N4BP2: variants seen among roughly 807,000 people sequenced by gnomAD.
N4BP2 encodes NEDD4 binding protein 2.
N4BP2 carries 91 observed loss-of-function variants against 152.8 expected under a neutral mutation model. That is an observed-to-expected ratio of 0.60 (90% CI 0.50 to 0.71). The LOEUF is 0.71. Among genes scored for constraint, N4BP2 ranks in the 30% least tolerant of loss-of-function variants. The probability of loss-of-function intolerance (pLI) is 0.00; values close to 1 mark genes in which losing one functional copy is unlikely to be tolerated. For missense variants in N4BP2, 1,923 were observed against 2,059.1 expected (o/e 0.93, Z 1.28); for synonymous variants, 646 against 705.3 (o/e 0.92, Z 1.33).
chr4:40,116,630 G>T (rs1006668207), intron 7 of N4BP2, among the ~76,000 whole-genome samples: 8 of 151,984 alleles, frequency 5.3e-5, no homozygotes, highest in African/African-American at 1.9e-4. Context: ...GAATATACAG[G>T]TAGTGTTTAT....
At chr4:40,123,993 C>T (rs1718167943) in intron 10 of N4BP2, among the ~76,000 whole-genome samples, 167 bp from the exon 11 acceptor site, 2 of 151,772 alleles carry the variant, frequency 1.3e-5, no homozygotes, top group Admixed American at 6.6e-5. Flanking sequence ...TGTAGTCATA[C>T]TTCATAATTT....
At chr4:40,167,518 A>C in the N4BP2 span, 1 of 152,304 alleles carries the variant, frequency 6.6e-6, no homozygotes, top group African/African-American at 2.4e-5. Flanking sequence ...GTTAAGAGAA[A>C]AGGAAAGTAA....
rs528051650 is a variant in N4BP2, at chr4:40,120,885, C to T, written c.2774C>T (p.Thr925Ile). ...AAAATGAATGAAATATCCTTATCTA[C>T]AGCACATGAGGCCTGTTGGGGCACA... ...NDKMNEISLS[T>I]AHEACWGTSS... Residue 925 changes from threonine to isoleucine, a missense_variant, in exon 9 of 18, where the codon ACA becomes ATA. Transcript: ENST00000261435. 2.5e-6 allele frequency: 4 copies of T among 1,614,072 alleles called. No individual in the cohort carries two copies. Among genetic ancestry groups the T allele is most frequent in the Middle Eastern group, 1.7e-4 (1 of 6,058 alleles).
At chr4:40,092,008 T>TTTTATA (rs1553920274) in intron 2 of N4BP2, among the ~76,000 whole-genome samples, 1 of 27,202 alleles carries the variant, frequency 3.7e-5, no homozygotes, top group Non-Finnish European at 5.9e-5. Context: ...AAAAAAAAAA[T>TTTTATA]TATATATATA....
At chr4:40,078,139 G>GTGTGTGTT (rs1712959469) in intron 2 of N4BP2, among the ~76,000 whole-genome samples, 1 of 151,904 alleles carries the variant, frequency 6.6e-6, no homozygotes, top group Admixed American at 6.6e-5. Context: ...GTGTGTGTGT[G>GTGTGTGTT]TGTGTGTGTA....
chr4:40,079,488 T>C (rs1047370043), intron 2 of N4BP2, among the ~76,000 whole-genome samples: 69 of 151,466 alleles, frequency 4.6e-4, no homozygotes, highest in Non-Finnish European at 8.8e-4. Context: ...TTTTTTTCAG[T>C]GTAGGAAAAC....
chr4:40,118,099 G>C, intron 8 of N4BP2, 75 bp downstream of exon 8: 1 of 1,232,870 alleles, frequency 8.1e-7, no homozygotes, highest in Non-Finnish European at 1.1e-6. Flanking sequence ...GGAGCTTGTG[G>C]AATCATTGCT....
rs151284530 is a variant in N4BP2 at position 40,121,664 on chromosome 4, A to G, written c.3553A>G (p.Ile1185Val). ...PVPEFSHGIG[I>V]SNADSQSTCD... ...GCCAGAGTTTAGCCATGGGATTGGT[A>G]TTAGTAACGCTGACTCACAGTCTAC... Residue 1185 changes from isoleucine to valine, a missense_variant, in exon 9 of 18, where the codon ATT becomes GTT. Physicochemically the swap from Ile to Val is conservative, Grantham distance 29. Transcript: ENST00000261435. 1.8e-5 allele frequency: 29 copies of G among 1,614,166 alleles called. No individual in the cohort carries two copies. The African/African-American group carries it at 3.3e-4, about 19-fold the overall frequency.
intron 14 of N4BP2, among the ~76,000 whole-genome samples, chr4:40,139,828 C>CTTTTTTTTTT (rs1209677713): frequency 1.0e-5 from 1 of 97,842 alleles, no homozygotes; most frequent in Non-Finnish European, 2.1e-5. Flanking sequence ...ATTTTTTTTT[C>CTTTTTTTTTT]TTTTTTTTTT....
chr4:40,166,828 TC>T, the N4BP2 span: 11 of 152,362 alleles, frequency 7.2e-5, no homozygotes, highest in South Asian at 1.4e-3. Context: ...ATTAATCACA[TC>T]GGGGTAAATG....
At chr4:40,098,681 C>T (rs1455103555) in intron 3 of N4BP2, among the ~76,000 whole-genome samples, 1 of 152,108 alleles carries the variant, frequency 6.6e-6, no homozygotes, top group Non-Finnish European at 1.5e-5. Context: ...TCAGAAATGA[C>T]AGTATATTGA....
chr4:40,119,617 A>C (rs114844057), intron 8 of N4BP2, among the ~76,000 whole-genome samples: 3,800 of 152,260 alleles, frequency 0.025, 196 homozygotes, highest in Admixed American at 0.13. Flanking sequence ...TCCTGGGAAC[A>C]AATTCAGAGC....
chr4:40,182,081 G>A, the N4BP2 span, among the ~76,000 whole-genome samples: 2 of 152,198 alleles, frequency 1.3e-5, no homozygotes, highest in African/African-American at 4.8e-5. Context: ...AGAAGATTGG[G>A]AAAAATAACC....
At chr4:40,184,326 AT>A in the N4BP2 span, among the ~76,000 whole-genome samples, 2 of 149,280 alleles carry the variant, frequency 1.3e-5, no homozygotes, top group African/African-American at 4.9e-5. Context: ...ACTTCACATT[AT>A]TTTTTTTTCT....
intron 1 of N4BP2, among the ~76,000 whole-genome samples, chr4:40,063,481 A>G (rs2109885912): frequency 6.6e-6 from 1 of 152,282 alleles, no homozygotes. Flanking sequence ...TGCTTAGTTC[A>G]TTCTAGGTTG....
At chr4:40,148,135 C>T (rs1336980958) in intron 16 of N4BP2, among the ~76,000 whole-genome samples, 8 of 152,188 alleles carry the variant, frequency 5.3e-5, no homozygotes, top group African/African-American at 1.4e-4. Flanking sequence ...GCCGAGATCA[C>T]GCCACTGCAT....
At chr4:40,142,325 G>T in intron 14 of N4BP2, 1 of 319,074 alleles carries the variant, frequency 3.1e-6, no homozygotes, top group South Asian at 3.4e-5. Context: ...GCGACGGCTG[G>T]AGTTGGGCTG....
At chr4:40,153,217 T>G (rs778137408) in intron 17 of N4BP2, among the ~76,000 whole-genome samples, 4 of 152,358 alleles carry the variant, frequency 2.6e-5, no homozygotes, top group South Asian at 2.1e-4. Context: ...TATCATAAAT[T>G]TAAAGTTCTA....
downstream of N4BP2, among the ~76,000 whole-genome samples, chr4:40,159,764 G>T (rs1279418571): frequency 6.6e-6 from 1 of 152,152 alleles, no homozygotes; most frequent in Non-Finnish European, 1.5e-5. Context: ...AGAATGAATA[G>T]CAGTCTCTGC....
Sources: allele counts gnomAD v4.1 joint callset (sites outside exome capture counted in the v4.1 genomes callset), GRCh38; gene constraint gnomAD v4.1.1; transcripts MANE v1.5; gene names NCBI Gene and HGNC (gene_info 2026-07-23, HGNC 2026-07-21).